PDE4D: variants seen among roughly 807,000 people sequenced by gnomAD.
PDE4D encodes the protein phosphodiesterase 4D.
PDE4D carries 24 observed loss-of-function variants against 87.4 expected under a neutral mutation model. The observed-to-expected ratio is 0.27, with a 90% CI of 0.20 to 0.39. PDE4D has a LOEUF of 0.39. Ranked by LOEUF, PDE4D falls within the 10% of genes least tolerant of loss-of-function variation. PDE4D has a pLI of 1.00. For missense variants in PDE4D, 714 were observed against 1,041.0 expected, an observed-to-expected ratio of 0.69 and a Z score of 4.32; for synonymous variants, 384 against 383.2, an observed-to-expected ratio of 1.00 and a Z score of -0.02.
At chr5:60,178,162 C>G (rs991271154) in intron 2 of PDE4D, among the ~76,000 whole-genome samples, 1 of 152,140 alleles carries the variant, frequency 6.6e-6, no homozygotes, top group Non-Finnish European at 1.5e-5. Context: ...TGTCCCAGTG[C>G]TAGAAAACCC....
chr5:59,664,856 T>G (rs1373761487), intron 1 of PDE4D, among the ~76,000 whole-genome samples: 1 of 152,184 alleles, frequency 6.6e-6, no homozygotes, highest in African/African-American at 2.4e-5. Flanking sequence ...AATGAATATA[T>G]TCTCGTCATT....
In PDE4D at chr5:59,139,993, T is replaced by C. The variant is rs1777658220; in HGVS notation, c.808+40602A>G. Among the ~76,000 whole-genome samples the C allele has an allele frequency of 2.0e-5, 3 of 152,160 alleles. 1 individual carries two copies. The highest frequency in any genetic ancestry group is 2.0e-4 in the Admixed American group (3 of 15,278). On this transcript the variant is annotated intron_variant, in intron 5 of 14. Transcript: ENST00000340635. Reference sequence around the variant, plus strand: ...GCATTTATGCCTAGAAACATGTAAGTCTGAGATGTAAATTGCAGAACTAAA... The same window carrying C: ...GCATTTATGCCTAGAAACATGTAAGCCTGAGATGTAAATTGCAGAACTAAA...
intron 1 of PDE4D, among the ~76,000 whole-genome samples, chr5:59,722,394 C>G (rs1285083810): frequency 6.6e-6 from 1 of 152,172 alleles, no homozygotes; most frequent in African/African-American, 2.4e-5. Flanking sequence ...AAAGTCAAAG[C>G]ACAGTGCAAC....
chr5:60,193,375 A>G (rs1008706159), intron 1 of PDE4D, among the ~76,000 whole-genome samples: 6 of 152,174 alleles, frequency 3.9e-5, no homozygotes, highest in Non-Finnish European at 7.4e-5. Flanking sequence ...ATATGGGTGG[A>G]AAAAGCTGTC....
chr5:59,490,789 G>C (rs1208043280), intron 1 of PDE4D, among the ~76,000 whole-genome samples: 1 of 152,192 alleles, frequency 6.6e-6, no homozygotes, highest in African/African-American at 2.4e-5. Context: ...TTATGTGCCA[G>C]AATCAATTGG....
intron 1 of PDE4D, among the ~76,000 whole-genome samples, chr5:60,388,717 G>C (rs768432283): frequency 6.6e-6 from 1 of 152,208 alleles, no homozygotes; most frequent in Non-Finnish European, 1.5e-5. Flanking sequence ...CCTTGGGCAA[G>C]TGAAAGGAGG....
At chr5:59,454,482 G>A (rs181202473) in intron 1 of PDE4D, among the ~76,000 whole-genome samples, 26 of 152,214 alleles carry the variant, frequency 1.7e-4, no homozygotes, top group African/African-American at 4.3e-4. Flanking sequence ...CTAGCCTTCC[G>A]CCATGATTGT....
intron 3 of PDE4D, among the ~76,000 whole-genome samples, chr5:59,963,723 G>T (rs1051338638): frequency 2.6e-5 from 4 of 152,030 alleles, no homozygotes; most frequent in African/African-American, 9.7e-5. Context: ...CTAACTTAAT[G>T]TGGGATTTTA....
intron 2 of PDE4D, among the ~76,000 whole-genome samples, chr5:60,062,418 G>C (rs535615407): frequency 1.3e-5 from 2 of 152,210 alleles, no homozygotes; most frequent in Non-Finnish European, 2.9e-5. Context: ...TGAAACAACA[G>C]ATGCTAGAGA....
chr5:60,431,942 G>A (rs1243110507), intron 1 of PDE4D, among the ~76,000 whole-genome samples: 4 of 152,240 alleles, frequency 2.6e-5, no homozygotes, highest in Admixed American at 6.5e-5. Flanking sequence ...GTGTGGCGGC[G>A]CAGGCCTGCA....
chr5:60,149,148 C>T (rs377367760), intron 2 of PDE4D, among the ~76,000 whole-genome samples: 38 of 152,262 alleles, frequency 2.5e-4, no homozygotes, highest in African/African-American at 5.1e-4. Context: ...GAAATCCAGA[C>T]GTTAAACCAC....
intron 2 of PDE4D, among the ~76,000 whole-genome samples, chr5:59,997,221 C>T (rs1763599951): frequency 6.6e-6 from 1 of 152,108 alleles, no homozygotes; most frequent in Non-Finnish European, 1.5e-5. Context: ...ATTTCCTTCA[C>T]AGTTACATAC....
chr5:59,548,409 G>A (rs80296880), intron 1 of PDE4D, among the ~76,000 whole-genome samples: 39 of 152,008 alleles, frequency 2.6e-4, no homozygotes, highest in South Asian at 4.1e-4. Context: ...TCATTCCTTC[G>A]CTCATTCATT....
intron 1 of PDE4D, among the ~76,000 whole-genome samples, chr5:59,597,153 C>T (rs899862310): frequency 6.6e-6 from 1 of 152,052 alleles, no homozygotes; most frequent in African/African-American, 2.4e-5. Context: ...TCTTTTTTTG[C>T]AATCAACATT....
At chr5:59,525,611 G>A (rs1416288423) in intron 1 of PDE4D, among the ~76,000 whole-genome samples, 1 of 152,212 alleles carries the variant, frequency 6.6e-6, no homozygotes, top group East Asian at 1.9e-4. Context: ...AGAAAGATGA[G>A]ATTTTGGAGG....
chr5:59,090,977 G>C (rs184999149), intron 5 of PDE4D: 9 of 363,836 alleles, frequency 2.5e-5, no homozygotes, highest in Non-Finnish European at 3.8e-5. Flanking sequence ...CTCCCTAAAG[G>C]GTGCTCAGAA....
At chr5:59,655,700 G>A (rs1744241164) in intron 1 of PDE4D, among the ~76,000 whole-genome samples, 1 of 152,136 alleles carries the variant, frequency 6.6e-6, no homozygotes, top group Non-Finnish European at 1.5e-5. Context: ...GGATGAGGAA[G>A]GAGCTTTTCT....
intron 1 of PDE4D, among the ~76,000 whole-genome samples, chr5:59,265,016 A>C (rs1762630981): frequency 6.6e-6 from 1 of 152,050 alleles, no homozygotes; most frequent in Admixed American, 6.6e-5. Flanking sequence ...GCTCAGCTCC[A>C]GGGAGATAAT....
At chr5:59,126,108 AG>A (rs374246601) in intron 5 of PDE4D, among the ~76,000 whole-genome samples, 5,990 of 108,098 alleles carry the variant, frequency 0.055, 300 homozygotes, top group African/African-American at 0.14. Context: ...AAAAAAAAAA[AG>A]AGAGAGAGAG....
Sources: gnomAD v4.1 joint callset for allele counts (sites outside exome capture counted in the v4.1 genomes callset) on GRCh38, gnomAD v4.1.1 for gene constraint, MANE v1.5 for transcripts, NCBI Gene and HGNC (gene_info 2026-07-23, HGNC 2026-07-21) for gene names.